The following RBFOX1 variants were observed in gnomAD, a reference collection of about 807,000 sequenced individuals.
RBFOX1 encodes RNA binding protein fox-1 homolog 1.
Under a neutral mutation model 57.7 loss-of-function variants are expected in RBFOX1, and 8 were observed. That is an observed-to-expected ratio of 0.14 (90% CI 0.08 to 0.25). RBFOX1 has a LOEUF of 0.25. Among genes scored for constraint, RBFOX1 ranks in the 10% least tolerant of loss-of-function variants. The pLI, the probability that RBFOX1 is intolerant of heterozygous loss-of-function variation, is 1.00. For missense variants in RBFOX1, 611 were observed against 548.5 expected, an observed-to-expected ratio of 1.11 and a Z score of -1.14; for synonymous variants, 326 against 222.4, an observed-to-expected ratio of 1.47 and a Z score of -4.15.
At chr16:7,173,432 G>A (rs1374967618) in intron 4 of RBFOX1, among the ~76,000 whole-genome samples, 2 of 152,130 alleles carry the variant, frequency 1.3e-5, no homozygotes, top group African/African-American at 2.4e-5. Flanking sequence ...TGCATTCAGT[G>A]ACTCTGAAAG....
intron 4 of RBFOX1, among the ~76,000 whole-genome samples, chr16:5,955,149 A>C (rs1225379077): frequency 3.2e-5 from 4 of 124,978 alleles, no homozygotes; most frequent in Admixed American, 8.3e-5. Context: ...AAAAAAAGCC[A>C]GGCGCACCTG....
chr16:5,379,238 G>A (rs771005426), intron 1 of RBFOX1, among the ~76,000 whole-genome samples: 1 of 151,500 alleles, frequency 6.6e-6, no homozygotes, highest in Non-Finnish European at 1.5e-5. Flanking sequence ...AAAAGTTCAG[G>A]TGAATTTCAT....
At chr16:5,811,857 T>G (rs1597347883) in intron 3 of RBFOX1, among the ~76,000 whole-genome samples, 1 of 152,328 alleles carries the variant, frequency 6.6e-6, no homozygotes, top group Non-Finnish European at 1.5e-5. Flanking sequence ...TATGGAGTCA[T>G]GTAGGCGTTA....
chr16:5,956,654 A>T (rs1405492162), intron 4 of RBFOX1, among the ~76,000 whole-genome samples: 13 of 81,766 alleles, frequency 1.6e-4, no homozygotes, highest in South Asian at 7.2e-4. Flanking sequence ...ATATATATAT[A>T]TATTTATATA....
chr16:7,114,853 T>G (rs1283886626), intron 4 of RBFOX1, among the ~76,000 whole-genome samples: 1 of 152,224 alleles, frequency 6.6e-6, no homozygotes, highest in East Asian at 1.9e-4. Context: ...CGTAAAGGTC[T>G]GAGAAATACA....
At chr16:6,466,317 T>G (rs531169193) in intron 2 of RBFOX1, among the ~76,000 whole-genome samples, 4 of 152,304 alleles carry the variant, frequency 2.6e-5, no homozygotes, top group South Asian at 4.1e-4. Flanking sequence ...ATCATTGGTT[T>G]GTTTTTCAAA....
intron 1 of RBFOX1, among the ~76,000 whole-genome samples, chr16:5,388,414 C>G (rs2066312685): frequency 2.0e-5 from 3 of 152,118 alleles, no homozygotes; most frequent in Non-Finnish European, 1.5e-5. Context: ...TAGGCACAGT[C>G]AAGGATGCTG....
At chr16:6,157,246 A>T (rs1217610354) in intron 1 of RBFOX1, among the ~76,000 whole-genome samples, 1 of 152,204 alleles carries the variant, frequency 6.6e-6, no homozygotes, top group Non-Finnish European at 1.5e-5. Flanking sequence ...AGAGGTGATG[A>T]TACAACTTTC....
intron 2 of RBFOX1, among the ~76,000 whole-genome samples, chr16:6,573,162 G>A (rs976103350): frequency 6.6e-6 from 1 of 152,056 alleles, no homozygotes; most frequent in Non-Finnish European, 1.5e-5. Context: ...CACTACCAGA[G>A]ACTTTACCAT....
chr16:5,932,652 T>C (rs151326913), intron 4 of RBFOX1, among the ~76,000 whole-genome samples: 56 of 152,330 alleles, frequency 3.7e-4, no homozygotes, highest in Middle Eastern at 3.4e-3. Context: ...ACATTAGATA[T>C]ATAAAATTAG....
chr16:6,369,838 C>G (rs982290935), intron 2 of RBFOX1, among the ~76,000 whole-genome samples: 1 of 152,172 alleles, frequency 6.6e-6, no homozygotes, highest in Admixed American at 6.5e-5. Flanking sequence ...CAATACAATT[C>G]CAAAATTAAG....
Position 7,019,596 on chromosome 16 carries a change from C to T in RBFOX1, c.-15-32461C>T, listed in dbSNP as rs915583455. Reference sequence around the variant, plus strand: ...GAATGAATGATCTGTTCTGTGAATACGTAGTTTCATTTTACAGTTAGAATG... The same window carrying T: ...GAATGAATGATCTGTTCTGTGAATATGTAGTTTCATTTTACAGTTAGAATG... On this transcript the variant is annotated intron_variant, in intron 3 of 15. Coordinates refer to ENST00000550418, the MANE Select transcript of RBFOX1 (RefSeq NM_018723.4). Among the ~76,000 whole-genome samples, 6 of 152,120 alleles carry T rather than the reference C, an allele frequency of 3.9e-5. No individual in the cohort carries two copies. The South Asian group carries it at 6.2e-4, about 16-fold the overall frequency.
intron 2 of RBFOX1, among the ~76,000 whole-genome samples, chr16:6,434,510 C>G (rs184506391): frequency 3.3e-5 from 5 of 152,278 alleles, no homozygotes; most frequent in Non-Finnish European, 5.9e-5. Flanking sequence ...ATTCATTTAA[C>G]TCGATTAGCT....
intron 1 of RBFOX1, among the ~76,000 whole-genome samples, chr16:5,401,251 G>T (rs978936143): frequency 1.3e-5 from 2 of 152,112 alleles, no homozygotes; most frequent in Non-Finnish European, 2.9e-5. Context: ...ATTTTGTGTA[G>T]GTTTGAGGAT....
intron 3 of RBFOX1, among the ~76,000 whole-genome samples, chr16:7,011,614 C>T (rs1041865015): frequency 6.6e-5 from 10 of 152,064 alleles, no homozygotes; most frequent in Non-Finnish European, 1.2e-4. Flanking sequence ...CCCGGGTTCA[C>T]GCCATTATCC....
At chr16:7,376,217 AG>A (rs1365740194) in intron 4 of RBFOX1, among the ~76,000 whole-genome samples, 2 of 152,220 alleles carry the variant, frequency 1.3e-5, no homozygotes, top group African/African-American at 4.8e-5. Flanking sequence ...ATACCATGAA[AG>A]CTGTTTTAGA....
At chr16:5,918,729 G>T (rs191647418) in intron 4 of RBFOX1, among the ~76,000 whole-genome samples, 34 of 152,348 alleles carry the variant, frequency 2.2e-4, no homozygotes, top group Admixed American at 1.3e-3. Flanking sequence ...CTAGGACTGT[G>T]AATTTGCATA....
intron 4 of RBFOX1, among the ~76,000 whole-genome samples, chr16:7,266,217 C>T (rs999437911): frequency 6.7e-6 from 1 of 149,632 alleles, no homozygotes; most frequent in Non-Finnish European, 1.5e-5. Context: ...CCTCGTGACC[C>T]GGCCGCCTCG....
chr16:7,305,841 G>A (rs2096169519), intron 4 of RBFOX1, among the ~76,000 whole-genome samples: 1 of 152,094 alleles, frequency 6.6e-6, no homozygotes, highest in African/African-American at 2.4e-5. Flanking sequence ...AGTAAATCGT[G>A]CCAGAAGACA....
Sources: allele counts gnomAD v4.1 joint callset (sites outside exome capture counted in the v4.1 genomes callset), GRCh38; gene constraint gnomAD v4.1.1; transcripts MANE v1.5; gene names NCBI Gene and HGNC (gene_info 2026-07-23, HGNC 2026-07-21).